The following HDX variants were observed in gnomAD, a reference collection of about 807,000 sequenced individuals.
HDX encodes the protein chromosome X open reading frame 43.
In HDX, 19 loss-of-function variants were observed where a neutral mutation model predicts 45.2. The ratio of observed to expected loss-of-function variants is 0.42; its 90% CI spans 0.29 to 0.62. The LOEUF is 0.62. Among genes scored for constraint, HDX ranks in the 20% least tolerant of loss-of-function variants. The probability of loss-of-function intolerance (pLI) is 0.20; values close to 1 mark genes in which losing one functional copy is unlikely to be tolerated. For missense variants in HDX, 532 were observed against 493.9 expected, an observed-to-expected ratio of 1.08 and a Z score of -0.73; for synonymous variants, 188 against 172.8, an observed-to-expected ratio of 1.09 and a Z score of -0.69.
intron 5 of HDX, among the ~76,000 whole-genome samples, chrX:84,396,299 C>T (rs753884460): frequency 8.9e-6 from 1 of 112,149 alleles, no homozygotes; most frequent in African/African-American, 3.2e-5. Flanking sequence ...GTAGAATACT[C>T]GCTGTATGAT....
chrX:84,400,316 G>A (rs770793702), intron 5 of HDX, among the ~76,000 whole-genome samples: 2 of 109,742 alleles, frequency 1.8e-5, no homozygotes, highest in African/African-American at 6.6e-5. Context: ...CATAGTCTCA[G>A]CCTAAAAACT....
intron 5 of HDX, among the ~76,000 whole-genome samples, chrX:84,405,012 C>T (rs1471522970): frequency 9.0e-6 from 1 of 110,542 alleles, no homozygotes; most frequent in East Asian, 2.8e-4. Context: ...TGAAATTTTA[C>T]CAGTACTGAT....
intron 5 of HDX, among the ~76,000 whole-genome samples, chrX:84,384,473 G>C (rs1483187077): frequency 9.2e-6 from 1 of 108,146 alleles, no homozygotes; most frequent in African/African-American, 3.4e-5. Context: ...TCTGTGGGTT[G>C]TCTGTTTATT....
chrX:84,359,629 T>C (rs902022112), intron 6 of HDX, among the ~76,000 whole-genome samples: 4 of 111,846 alleles, frequency 3.6e-5, no homozygotes, highest in African/African-American at 9.8e-5. Flanking sequence ...TCCTTGCTAT[T>C]GTGAATACTG....
intron 4 of HDX, among the ~76,000 whole-genome samples, chrX:84,468,120 A>G (rs1281520864): frequency 9.0e-6 from 1 of 111,453 alleles, no homozygotes; most frequent in Admixed American, 9.6e-5. Flanking sequence ...ACTGAAAACC[A>G]TTATAGGAAT....
rs565587552 is a variant in HDX, at chrX:84,441,403, T to C, written c.1252-818A>G. Among the ~76,000 whole-genome samples the C allele has an allele frequency of 1.6e-4, 18 of 111,866 alleles. No homozygotes were observed. In the South Asian group the frequency reaches 6.6e-3, roughly 41 times the overall value. On this transcript the variant is annotated intron_variant, in intron 4 of 10. Coordinates refer to ENST00000373177, the MANE Select transcript of HDX (RefSeq NM_001177479.2). ...GTTTTCTTAATACAAATCTTAGACC[T>C]ACAGTATAAATGACTGAAACAATGT...
chrX:84,407,220 C>T (rs181001104), intron 5 of HDX, among the ~76,000 whole-genome samples: 2 of 110,882 alleles, frequency 1.8e-5, no homozygotes, highest in Non-Finnish European at 3.8e-5. Flanking sequence ...CTACTCTCCA[C>T]GCTCAAGTAG....
intron 5 of HDX, among the ~76,000 whole-genome samples, chrX:84,408,293 TAG>T (rs2038882713): frequency 9.0e-6 from 1 of 111,144 alleles, no homozygotes; most frequent in Admixed American, 9.6e-5. Context: ...ATTTATTAAA[TAG>T]AGAGTCCTCT....
At chrX:84,414,396 G>T (rs2039056822) in intron 5 of HDX, among the ~76,000 whole-genome samples, 1 of 111,429 alleles carries the variant, frequency 9.0e-6, no homozygotes, top group Admixed American at 9.6e-5. Flanking sequence ...GCTTTCTCCA[G>T]GTTTGCTCCC....
chrX:84,492,454 T>C (rs145390627), intron 1 of HDX, among the ~76,000 whole-genome samples: 143 of 110,864 alleles, frequency 1.3e-3, no homozygotes, highest in African/African-American at 4.5e-3. Flanking sequence ...TAAGCTTCAT[T>C]ACTTGCTAGT....
intron 5 of HDX, among the ~76,000 whole-genome samples, chrX:84,372,986 C>G (rs1473653045): frequency 9.0e-6 from 1 of 111,481 alleles, no homozygotes; most frequent in Non-Finnish European, 1.9e-5. Flanking sequence ...TTAAGATAAT[C>G]CATGTGATTA....
intron 4 of HDX, among the ~76,000 whole-genome samples, chrX:84,447,289 T>C (rs1459935858): frequency 9.0e-6 from 1 of 111,409 alleles, no homozygotes; most frequent in Non-Finnish European, 1.9e-5. Context: ...ACACTTTGAA[T>C]AGATCACCTA....
intron 5 of HDX, among the ~76,000 whole-genome samples, chrX:84,422,419 A>C (rs187023938): frequency 9.5e-4 from 106 of 111,150 alleles, no homozygotes; most frequent in Admixed American, 7.0e-3. Context: ...AAGAAAAAAA[A>C]TCTTCAAACA....
chrX:84,399,116 G>A lies in HDX; in HGVS notation c.1306-37504C>T, dbSNP rs139740107. The stretch of plus-strand genomic sequence containing the variant: ...ACTAAATGCCCACATCAGAAAGCTG[G>A]AAACATCTCAAATCAACACCCTAAG... On this transcript the variant is annotated intron_variant, in intron 5 of 10. Coordinates refer to ENST00000373177, the MANE Select transcript of HDX (RefSeq NM_001177479.2). 9.9e-3 allele frequency among the ~76,000 whole-genome samples: 1,104 copies of A among 110,961 alleles called. 9 individuals carry two copies. Among genetic ancestry groups the A allele is most frequent in the Non-Finnish European group, 0.017 (926 of 52,938 alleles).
intron 4 of HDX, among the ~76,000 whole-genome samples, chrX:84,440,846 G>A (rs1195378062): frequency 9.1e-6 from 1 of 110,353 alleles, no homozygotes; most frequent in South Asian, 3.8e-4. Flanking sequence ...ACGATTGTTG[G>A]GACTCTGTTG....
intron 4 of HDX, among the ~76,000 whole-genome samples, chrX:84,453,953 C>T (rs1359400215): frequency 8.9e-6 from 1 of 111,776 alleles, no homozygotes; most frequent in Non-Finnish European, 1.9e-5. Flanking sequence ...TCCTGAACTA[C>T]ATTTATAGAC....
Position 84,470,871 on chromosome X carries a change from C to T in HDX, c.148-1296G>A, listed in dbSNP as rs778945990. The stretch of plus-strand genomic sequence containing the variant: ...GCACATTAATCTATTAAGAATTAAA[C>T]AGGCCATGCACAGTGGCTCATGCCT... On this transcript the variant is annotated intron_variant, in intron 3 of 10. Transcript: ENST00000373177. Among the ~76,000 whole-genome samples the T allele has an allele frequency of 1.5e-3, 164 of 111,381 alleles. 1 individual carries two copies. The highest frequency in any genetic ancestry group is 5.2e-3 in the African/African-American group (159 of 30,719).
intron 1 of HDX, among the ~76,000 whole-genome samples, chrX:84,489,219 T>A (rs2040849877): frequency 9.0e-6 from 1 of 111,391 alleles, no homozygotes; most frequent in Non-Finnish European, 1.9e-5. Flanking sequence ...AAATGGCTAT[T>A]TTATTTCACA....
Position 84,468,987 on chromosome X carries a change from G to T in HDX, c.736C>A (p.Gln246Lys). Reference sequence around the variant, plus strand: ...TAAGGGTCTCTAATAGTTGGCTTTTGCCCACATAAGTTATGTAATGCTGGG... The same window carrying T: ...TAAGGGTCTCTAATAGTTGGCTTTTTCCCACATAAGTTATGTAATGCTGGG... ...TGPALHNLCGQKPTIRDPYCR... is the reference protein window; with the variant it reads ...TGPALHNLCGKKPTIRDPYCR... The change falls in exon 4 of 11, where the codon CAA (glutamine) becomes AAA (lysine). Residue 246 changes from glutamine to lysine, a missense_variant. Around this residue, in one of 3 missense-constraint regions of HDX, gnomAD observed 376 missense variants for 343.7 expected, o/e 1.09. Transcript: ENST00000373177. The T allele has an allele frequency of 8.3e-7, 1 of 1,211,361 alleles. No homozygotes were observed. The highest frequency in any genetic ancestry group is 1.1e-6 in the Non-Finnish European group (1 of 895,339).
Sources: gnomAD v4.1 joint callset for allele counts (sites outside exome capture counted in the v4.1 genomes callset) on GRCh38, gnomAD v4.1.1 for gene constraint, gnomAD v4.1.1 regional missense constraint, MANE v1.5 for transcripts, NCBI Gene and HGNC (gene_info 2026-07-23, HGNC 2026-07-21) for gene names.